Variants in NUGGC observed in about 807,000 individuals in gnomAD.
NUGGC encodes nuclear GTPase SLIP-GC.
In NUGGC, 58 loss-of-function variants were observed where a neutral mutation model predicts 92.6. The observed-to-expected ratio is 0.63, with a 90% CI of 0.51 to 0.78. The LOEUF (loss-of-function observed/expected upper bound fraction) is 0.78, where lower values mean the gene tolerates loss of function less well. Among genes scored for constraint, NUGGC ranks in the 30% least tolerant of loss-of-function variants. The pLI is 0.00. For synonymous variants in NUGGC, 376 were observed against 366.4 expected (o/e 1.03, Z -0.30); for missense variants, 925 against 964.6 (o/e 0.96, Z 0.54).
intron 17 of NUGGC, among the ~76,000 whole-genome samples, chr8:28,027,940 G>A (rs913867970): frequency 2.0e-5 from 3 of 151,888 alleles, no homozygotes; most frequent in African/African-American, 7.3e-5. Context: ...TAATTTACAG[G>A]ACTATTGCGA....
chr8:28,050,262 G>A (rs1176686263), intron 10 of NUGGC, among the ~76,000 whole-genome samples: 4 of 152,056 alleles, frequency 2.6e-5, no homozygotes, highest in African/African-American at 9.7e-5. Flanking sequence ...GTGAGTGCCT[G>A]TAATCCCAGC....
intron 10 of NUGGC, among the ~76,000 whole-genome samples, chr8:28,053,097 A>G (rs1034884355): frequency 1.3e-5 from 2 of 152,178 alleles, no homozygotes; most frequent in Non-Finnish European, 2.9e-5. Context: ...GCCAAAAAAA[A>G]AAGTGATGGA....
At chr8:28,072,449 G>A (rs1170765901) in intron 2 of NUGGC, among the ~76,000 whole-genome samples, 5 of 152,232 alleles carry the variant, frequency 3.3e-5, no homozygotes, top group African/African-American at 1.2e-4. Context: ...TGTGGAAAGA[G>A]TGGAAAGGGA....
intron 18 of NUGGC, among the ~76,000 whole-genome samples, chr8:28,025,584 A>G (rs7815173): frequency 0.39 from 59,135 of 152,058 alleles, 13,423 homozygotes; most frequent in Middle Eastern, 0.51. Context: ...ACAGAAGGTC[A>G]TGAGAGTCCA....
intron 10 of NUGGC, among the ~76,000 whole-genome samples, chr8:28,052,187 A>G (rs1810024107): frequency 6.6e-6 from 1 of 152,192 alleles, no homozygotes; most frequent in Non-Finnish European, 1.5e-5. Flanking sequence ...TTCAGCTGAT[A>G]TGTGACTACA....
chr8:28,073,054 G>A (rs556291066), intron 2 of NUGGC, among the ~76,000 whole-genome samples: 18 of 151,354 alleles, frequency 1.2e-4, no homozygotes, highest in African/African-American at 3.6e-4. Context: ...CCAGGCTGGA[G>A]TGCAATGGCT....
chr8:28,042,446 A>AT (rs1809723280), intron 12 of NUGGC, among the ~76,000 whole-genome samples: 1 of 152,080 alleles, frequency 6.6e-6, no homozygotes, highest in Non-Finnish European at 1.5e-5. Context: ...CTATTCCCCA[A>AT]ACATGCTGTC....
chr8:28,024,768 C>G (rs1385843055), intron 18 of NUGGC, among the ~76,000 whole-genome samples: 1 of 152,196 alleles, frequency 6.6e-6, no homozygotes, highest in Non-Finnish European at 1.5e-5. Flanking sequence ...CCTCCCTTCT[C>G]CCCACTGCCT....
At position 28,064,660 on chromosome 8, in the gene NUGGC, A is replaced by T; in HGVS notation, c.783T>A (p.Ala261=). The change falls in exon 7 of 19, where the codon GCT becomes GCA. Residue 261 remains alanine, a synonymous_variant. Coordinates refer to ENST00000413272, the MANE Select transcript of NUGGC (RefSeq NM_001010906.2). ...TQRRDWDGEA[A]EMRIWPLIKH... ...TGATCAAGGGCCAGATGCGCATCTCAGCGGCCTCTCCATCCCAATCTCTCC... is the reference window on the plus strand; with the variant it reads ...TGATCAAGGGCCAGATGCGCATCTCTGCGGCCTCTCCATCCCAATCTCTCC... The T allele has an allele frequency of 6.2e-7, 1 of 1,614,006 alleles. No homozygotes were observed. The highest frequency in any genetic ancestry group is 8.5e-7 in the Non-Finnish European group (1 of 1,179,890).
intron 1 of NUGGC, among the ~76,000 whole-genome samples, chr8:28,078,058 G>A (rs1245377012): frequency 6.6e-6 from 1 of 152,204 alleles, no homozygotes; most frequent in Non-Finnish European, 1.5e-5. Context: ...AGCAAGGGCC[G>A]TTAGCATGTA....
chr8:28,067,793 A>G (rs1205109083), intron 5 of NUGGC, 49 bp from the exon 6 acceptor site: 5 of 1,423,764 alleles, frequency 3.5e-6, no homozygotes, highest in Non-Finnish European at 4.9e-6. Flanking sequence ...GACACAGAGA[A>G]CACCGACAAA....
chr8:28,083,144 G>A (rs1055142097), intron 1 of NUGGC, among the ~76,000 whole-genome samples: 1 of 152,216 alleles, frequency 6.6e-6, no homozygotes, highest in Admixed American at 6.5e-5. Flanking sequence ...ACACGGCGGA[G>A]ATTGGAGCAG....
At chr8:28,080,044 C>T (rs144691986) in intron 1 of NUGGC, among the ~76,000 whole-genome samples, 11,868 of 152,150 alleles carry the variant, frequency 0.078, 873 homozygotes, top group East Asian at 0.32. Context: ...CAGGTTCAAG[C>T]GATTCTCCTG....
intron 8 of NUGGC, among the ~76,000 whole-genome samples, chr8:28,059,322 C>G (rs183091910): frequency 1.3e-3 from 202 of 152,306 alleles, no homozygotes; most frequent in African/African-American, 4.7e-3. Flanking sequence ...ATCATACCCC[C>G]TCTCACTCTC....
In NUGGC at chr8:28,029,298, C is replaced by T. The variant is rs1354053445; in HGVS notation, c.2122G>A (p.Glu708Lys). ...TGCTGAAACTGGTGCTGCATCCTTT[C>T]CTGGGCCCTTTCAAACATGCCCTCA... ...VAEGMFERAQ[E>K]RMQHQFQQLK... The change falls in exon 17 of 19, where the codon GAA (glutamate) becomes AAA (lysine). Residue 708 changes from glutamate (E) to lysine (K), a missense_variant. Glu to Lys is a moderately conservative substitution (Grantham distance 56). Coordinates refer to ENST00000413272, the MANE Select transcript of NUGGC (RefSeq NM_001010906.2). 3 of 1,607,478 alleles carry T rather than the reference C, an allele frequency of 1.9e-6. No homozygotes were observed. The African/African-American group carries it at 4.0e-5, about 21-fold the overall frequency.
intron 2 of NUGGC, among the ~76,000 whole-genome samples, chr8:28,070,637 G>A (rs2130259896): frequency 6.7e-6 from 1 of 150,192 alleles, no homozygotes; most frequent in African/African-American, 2.4e-5. Context: ...GTGTTGCCCA[G>A]CAGGCCAGAG....
chr8:28,055,224 G>A (rs1378036330), intron 10 of NUGGC, among the ~76,000 whole-genome samples: 2 of 152,160 alleles, frequency 1.3e-5, no homozygotes, highest in Non-Finnish European at 2.9e-5. Flanking sequence ...CTGCACTCCA[G>A]CCTGGGTGAC....
chr8:28,030,403 C>G lies in NUGGC; in HGVS notation c.1924G>C (p.Gly642Arg). 1.3e-6 allele frequency: 2 copies of G among 1,568,130 alleles called. No individual in the cohort carries two copies. Among genetic ancestry groups the G allele is most frequent in the South Asian group, 1.2e-5 (1 of 85,376 alleles). ...CTGAGGATGTGGTCCTCCAGGCCCCCGAGGATGGCACTTATCTGGGAAGAT... is the reference window on the plus strand; with the variant it reads ...CTGAGGATGTGGTCCTCCAGGCCCCGGAGGATGGCACTTATCTGGGAAGAT... ...FLIQEISAIL[G>R]GLEDHILRRK... Residue 642 changes from glycine (G) to arginine (R), a missense_variant, in exon 16 of 19, where the codon GGG becomes CGG. Physicochemically the swap from Gly to Arg is moderately radical, Grantham distance 125. Transcript: ENST00000413272.
chr8:28,045,752 T>C, intron 11 of NUGGC, 92 bp from the exon 12 acceptor site: 1 of 1,382,518 alleles, frequency 7.2e-7, no homozygotes, highest in Non-Finnish European at 9.9e-7. Context: ...GGTGGCGATA[T>C]GAATGAAGTA....
Sources: allele counts gnomAD v4.1 joint callset (sites outside exome capture counted in the v4.1 genomes callset), GRCh38; gene constraint gnomAD v4.1.1; transcripts MANE v1.5; gene names NCBI Gene and HGNC (gene_info 2026-07-23, HGNC 2026-07-21).